PCDH9: variants seen among roughly 807,000 people sequenced by gnomAD.
PCDH9 encodes protocadherin 9.
In PCDH9, 24 loss-of-function variants were observed where a neutral mutation model predicts 70.6. The observed-to-expected ratio is 0.34, with a 90% CI of 0.25 to 0.48. PCDH9 has a LOEUF of 0.48. PCDH9 is among the 20% of genes least tolerant of loss of function. The pLI, the probability that PCDH9 is intolerant of heterozygous loss-of-function variation, is 0.99. For missense variants in PCDH9, 1,281 were observed against 1,503.6 expected (o/e 0.85, Z 2.45); for synonymous variants, 562 against 558.5 (o/e 1.01, Z -0.09).
chr13:66,948,357 G>A (rs1349608805), intron 2 of PCDH9, among the ~76,000 whole-genome samples: 1 of 151,944 alleles, frequency 6.6e-6, no homozygotes, highest in East Asian at 1.9e-4. Context: ...TAAAGGTTAG[G>A]GACTTCTTAA....
intron 2 of PCDH9, among the ~76,000 whole-genome samples, chr13:67,182,682 A>C (rs2088648997): frequency 1.3e-5 from 2 of 152,188 alleles, no homozygotes; most frequent in African/African-American, 4.8e-5. Flanking sequence ...TTACACTGAC[A>C]GTAAATTGTT....
intron 4 of PCDH9, among the ~76,000 whole-genome samples, chr13:66,595,495 G>C (rs1160047249): frequency 6.6e-6 from 1 of 151,656 alleles, no homozygotes; most frequent in African/African-American, 2.4e-5. Context: ...ATTTCTTTCT[G>C]TGTTTGCAGT....
At chr13:66,779,583 G>C (rs1355244691) in intron 3 of PCDH9, among the ~76,000 whole-genome samples, 1 of 152,086 alleles carries the variant, frequency 6.6e-6, no homozygotes, top group Non-Finnish European at 1.5e-5. Flanking sequence ...AGCACTTTGG[G>C]AGGCGGAGGC....
intron 3 of PCDH9, among the ~76,000 whole-genome samples, chr13:66,758,148 A>T (rs773285639): frequency 6.6e-6 from 1 of 152,084 alleles, no homozygotes; most frequent in Non-Finnish European, 1.5e-5. Flanking sequence ...TATATACATC[A>T]TGGAATGGTT....
At chr13:66,554,935 C>T (rs926337076) in intron 4 of PCDH9, among the ~76,000 whole-genome samples, 37 of 151,956 alleles carry the variant, frequency 2.4e-4, no homozygotes, top group South Asian at 1.3e-3. Flanking sequence ...TTTGGGAGGC[C>T]GAGGCAGGCA....
chr13:67,057,381 T>C (rs1315775235), intron 2 of PCDH9, among the ~76,000 whole-genome samples: 1 of 152,046 alleles, frequency 6.6e-6, no homozygotes, highest in African/African-American at 2.4e-5. Context: ...TCTCGGTGAC[T>C]GTCCATCTCA....
intron 2 of PCDH9, among the ~76,000 whole-genome samples, chr13:67,111,505 C>G: frequency 6.6e-6 from 1 of 152,164 alleles, no homozygotes; most frequent in East Asian, 1.9e-4. Flanking sequence ...AGTAATGATT[C>G]ATCACGAAAA....
rs1020679647 is a variant in PCDH9, at chr13:66,566,760, C to A, written c.3340+64450G>T. ...AGGGCCCGTCTTGATGGTCAATTAG[C>A]TCATAACTTTAACATCTAGTTATAA... On this transcript the variant is annotated intron_variant, in intron 4 of 4. Coordinates refer to ENST00000377865, the MANE Select transcript of PCDH9 (RefSeq NM_203487.3). 2.0e-5 allele frequency among the ~76,000 whole-genome samples: 3 copies of A among 152,054 alleles called. No homozygotes were observed. The East Asian group carries it at 5.8e-4, about 29-fold the overall frequency.
chr13:66,620,622 C>G lies in PCDH9; in HGVS notation c.3340+10588G>C, dbSNP rs2077410761. ...TATGCTAAAACCCACTCTTTGTATGCTTACTAGTATTTATTCTAACACACT... is the reference window on the plus strand; with the variant it reads ...TATGCTAAAACCCACTCTTTGTATGGTTACTAGTATTTATTCTAACACACT... On this transcript the variant is annotated intron_variant, in intron 4 of 4. Coordinates refer to ENST00000377865, the MANE Select transcript of PCDH9 (RefSeq NM_203487.3). 2.6e-5 allele frequency among the ~76,000 whole-genome samples: 4 copies of G among 151,860 alleles called. No individual in the cohort carries two copies. The South Asian group carries it at 8.3e-4, about 32-fold the overall frequency.
chr13:66,669,508 A>G (rs574106541), intron 3 of PCDH9, among the ~76,000 whole-genome samples: 3 of 152,292 alleles, frequency 2.0e-5, no homozygotes, highest in African/African-American at 7.2e-5. Flanking sequence ...TAAATTGAAG[A>G]TGTGTGAATT....
At chr13:66,819,349 G>A (rs1649545768) in intron 3 of PCDH9, among the ~76,000 whole-genome samples, 1 of 151,554 alleles carries the variant, frequency 6.6e-6, no homozygotes, top group Admixed American at 6.6e-5. Flanking sequence ...CTTTCAAAAG[G>A]TATTTTTGCT....
chr13:66,533,924 G>C (rs1566398024), intron 4 of PCDH9, among the ~76,000 whole-genome samples: 1 of 151,926 alleles, frequency 6.6e-6, no homozygotes, highest in Admixed American at 6.6e-5. Flanking sequence ...GACTTTTTTT[G>C]TTCTTTCTAT....
At chr13:66,582,621 G>C (rs1160690947) in intron 4 of PCDH9, among the ~76,000 whole-genome samples, 1 of 152,124 alleles carries the variant, frequency 6.6e-6, no homozygotes, top group Non-Finnish European at 1.5e-5. Context: ...GACAGAGTGA[G>C]ACCCTGTCTC....
chr13:66,390,383 A>G (rs1395777335), intron 4 of PCDH9, among the ~76,000 whole-genome samples: 1 of 152,134 alleles, frequency 6.6e-6, no homozygotes, highest in South Asian at 2.1e-4. Flanking sequence ...TCCAGAATAA[A>G]TAAGAATTCC....
intron 3 of PCDH9, among the ~76,000 whole-genome samples, chr13:66,751,291 C>A (rs949869090): frequency 1.3e-5 from 2 of 151,980 alleles, no homozygotes; most frequent in Admixed American, 6.6e-5. Context: ...CTTTTTGGAT[C>A]TCCCAATGAC....
intron 3 of PCDH9, among the ~76,000 whole-genome samples, chr13:66,702,810 TA>T (rs2078664160): frequency 6.6e-6 from 1 of 152,188 alleles, no homozygotes; most frequent in Non-Finnish European, 1.5e-5. Flanking sequence ...CTGATCTTAA[TA>T]AGGCTTCCAG....
chr13:66,398,270 A>AT (rs1245663765), intron 4 of PCDH9, among the ~76,000 whole-genome samples: 6 of 151,836 alleles, frequency 4.0e-5, no homozygotes, highest in African/African-American at 1.4e-4. Context: ...AGAGTGTAGA[A>AT]TTTTTTGGGT....
intron 3 of PCDH9, among the ~76,000 whole-genome samples, chr13:66,890,438 G>A (rs2082076709): frequency 7.0e-6 from 1 of 141,908 alleles, no homozygotes; most frequent in Non-Finnish European, 1.5e-5. Context: ...CCTAACTGTA[G>A]ACTTCTGAAC....
chr13:66,462,948 T>C (rs1958451421), intron 4 of PCDH9, among the ~76,000 whole-genome samples: 1 of 151,842 alleles, frequency 6.6e-6, no homozygotes, highest in Admixed American at 6.6e-5. Context: ...AACCTAATTA[T>C]TCTTGGTACA....
Sources: allele counts gnomAD v4.1 joint callset (sites outside exome capture counted in the v4.1 genomes callset), GRCh38; gene constraint gnomAD v4.1.1; transcripts MANE v1.5; gene names NCBI Gene and HGNC (gene_info 2026-07-23, HGNC 2026-07-21).